COL28A1: variants seen among roughly 807,000 people sequenced by gnomAD.
The protein encoded by COL28A1 is collagen type XXVIII alpha 1 chain, also known as collagen alpha-1(XXVIII) chain.
A neutral mutation model predicts 150.2 loss-of-function variants in COL28A1; 161 were observed. The ratio of observed to expected loss-of-function variants is 1.07; its 90% CI spans 0.94 to 1.22. COL28A1 has a LOEUF of 1.22. Among genes scored for constraint, COL28A1 ranks in the 50% most tolerant of loss-of-function variants. The pLI, the probability that COL28A1 is intolerant of heterozygous loss-of-function variation, is 0.00. For synonymous variants in COL28A1, 552 were observed against 469.7 expected, an observed-to-expected ratio of 1.18 and a Z score of -2.26; for missense variants, 1,617 against 1,388.3, an observed-to-expected ratio of 1.16 and a Z score of -2.62.
At chr7:7,483,564 A>G (rs992387253) in intron 13 of COL28A1, among the ~76,000 whole-genome samples, 2 of 152,186 alleles carry the variant, frequency 1.3e-5, no homozygotes, top group African/African-American at 4.8e-5. Context: ...AAACCCCTGG[A>G]GTACAAAAGA....
intron 23 of COL28A1, among the ~76,000 whole-genome samples, chr7:7,435,690 G>A (rs1785288803): frequency 6.6e-6 from 1 of 152,134 alleles, no homozygotes; most frequent in East Asian, 1.9e-4. Flanking sequence ...TAACTTTGAA[G>A]GTCATCAGTT....
At chr7:7,487,751 T>C (rs1402510342) in intron 13 of COL28A1, among the ~76,000 whole-genome samples, 3 of 152,166 alleles carry the variant, frequency 2.0e-5, no homozygotes, top group Admixed American at 1.3e-4. Context: ...GGCAAAATCT[T>C]TTTCTATTCC....
intron 11 of COL28A1, among the ~76,000 whole-genome samples, chr7:7,496,678 A>G (rs568519475): frequency 8.1e-4 from 123 of 152,322 alleles, no homozygotes; most frequent in Admixed American, 2.4e-3. Flanking sequence ...TCTCTAAGAC[A>G]ATACATAACA....
chr7:7,464,359 C>A (rs1368574656), intron 15 of COL28A1, among the ~76,000 whole-genome samples: 2 of 152,174 alleles, frequency 1.3e-5, no homozygotes, highest in Non-Finnish European at 2.9e-5. Context: ...ACAAAATATA[C>A]ATTCTATTCA....
chr7:7,452,533 G>C (rs1248259289), intron 17 of COL28A1, 146 bp from the exon 18 acceptor site: 9 of 1,232,080 alleles, frequency 7.3e-6, no homozygotes, highest in Non-Finnish European at 9.6e-6. Context: ...TTCGGGGGAT[G>C]GATTTGCACC....
intron 27 of COL28A1, among the ~76,000 whole-genome samples, chr7:7,397,507 G>T (rs1227133419): frequency 6.6e-6 from 1 of 152,118 alleles, no homozygotes. Flanking sequence ...TATACAAAAA[G>T]TAAGATAATA....
chr7:7,363,852 CTCACT>C (rs1376269327), intron 33 of COL28A1, among the ~76,000 whole-genome samples: 1 of 152,114 alleles, frequency 6.6e-6, no homozygotes, highest in African/African-American at 2.4e-5. Context: ...ACGATCTCGG[CTCACT>C]GCAACCTCCA....
intron 33 of COL28A1, among the ~76,000 whole-genome samples, chr7:7,367,204 C>G (rs1780982560): frequency 1.3e-5 from 2 of 152,158 alleles, no homozygotes; most frequent in Non-Finnish European, 2.9e-5. Flanking sequence ...AACTATCTAG[C>G]CCAGGTGTGT....
intron 25 of COL28A1, among the ~76,000 whole-genome samples, chr7:7,421,426 T>A (rs1784386001): frequency 6.6e-6 from 1 of 152,164 alleles, no homozygotes; most frequent in African/African-American, 2.4e-5. Context: ...CATTGAATTT[T>A]ATACTTAAAA....
At position 7,373,674 on chromosome 7, in the gene COL28A1, A is replaced by G; in HGVS notation, c.2360-128T>C. Reference sequence around the variant, plus strand: ...TTCTCTTCCTTTTCTGTGATTGTGAAAATACCTGACAGCTGTCTCCATTCT... The same window carrying G: ...TTCTCTTCCTTTTCTGTGATTGTGAGAATACCTGACAGCTGTCTCCATTCT... On this transcript the variant is annotated intron_variant, in intron 31 of 34. Coordinates refer to ENST00000399429, the MANE Select transcript of COL28A1 (RefSeq NM_001037763.3). The surrounding 1 kb of genome is among the most constrained non-coding windows in gnomAD (Gnocchi z 4.1). 1 of 743,996 alleles carries G rather than the reference A, an allele frequency of 1.3e-6. No homozygotes were observed. 46.1% of individuals were successfully genotyped at this position (743,996 alleles called of 1,614,324 possible).
chr7:7,519,300 C>T (rs1391734610), intron 6 of COL28A1, among the ~76,000 whole-genome samples: 1 of 152,160 alleles, frequency 6.6e-6, no homozygotes. Flanking sequence ...GGGAAAGACC[C>T]GCCCCCTATG....
chr7:7,347,180 G>A, the COL28A1 span, among the ~76,000 whole-genome samples: 1 of 152,018 alleles, frequency 6.6e-6, no homozygotes, highest in South Asian at 2.1e-4. Context: ...GCCATACCAG[G>A]CAGTGTAAGG....
At chr7:7,455,796 G>C (rs2128334047) in intron 16 of COL28A1, among the ~76,000 whole-genome samples, 1 of 152,246 alleles carries the variant, frequency 6.6e-6, no homozygotes. Flanking sequence ...TTGTTAATTA[G>C]GTTTTAATGT....
chr7:7,427,129 T>C (rs1388763308), intron 25 of COL28A1, among the ~76,000 whole-genome samples: 1 of 152,166 alleles, frequency 6.6e-6, no homozygotes, highest in Non-Finnish European at 1.5e-5. Context: ...GAAAGCAATA[T>C]TCAAAGTCAT....
chr7:7,511,248 C>G, intron 8 of COL28A1, 113 bp from the exon 9 acceptor site: 1 of 794,946 alleles, frequency 1.3e-6, no homozygotes, highest in Non-Finnish European at 2.1e-6. Context: ...CATAAGCACT[C>G]TTTTGGTTTC....
chr7:7,524,484 C>A lies in COL28A1; in HGVS notation c.682-235G>T, dbSNP rs181133581. Among the ~76,000 whole-genome samples the A allele has an allele frequency of 1.8e-3, 269 of 152,300 alleles. 1 individual carries two copies. The highest frequency in any genetic ancestry group is 2.3e-3 in the Non-Finnish European group (158 of 68,024). ...AAAATTAACCTATATTTTCTAGGAA[C>A]TTCATCTTACTGCATTCTATGTTTT... On this transcript the variant is annotated intron_variant, in intron 3 of 34. Coordinates refer to ENST00000399429, the MANE Select transcript of COL28A1 (RefSeq NM_001037763.3).
chr7:7,427,854 T>G (rs1784732781), intron 25 of COL28A1, among the ~76,000 whole-genome samples: 1 of 152,010 alleles, frequency 6.6e-6, no homozygotes, highest in Admixed American at 6.6e-5. Flanking sequence ...CACAAAAGAG[T>G]GCCTAGATAG....
intron 27 of COL28A1, among the ~76,000 whole-genome samples, chr7:7,408,430 TA>T (rs895373863): frequency 1.3e-5 from 2 of 152,140 alleles, no homozygotes; most frequent in African/African-American, 4.8e-5. Context: ...GTGCTGATGA[TA>T]AAAAACCAAC....
At chr7:7,418,291 C>T (rs1784214782) in intron 26 of COL28A1, among the ~76,000 whole-genome samples, 1 of 152,220 alleles carries the variant, frequency 6.6e-6, no homozygotes, top group Admixed American at 6.5e-5. Context: ...ACATGTGGCT[C>T]CACATAGCCT....
Sources: gnomAD v4.1 joint callset for allele counts (sites outside exome capture counted in the v4.1 genomes callset) on GRCh38, gnomAD v4.1.1 for gene constraint, Gnocchi (gnomAD v3.1) non-coding constraint, MANE v1.5 for transcripts, NCBI Gene and HGNC (gene_info 2026-07-23, HGNC 2026-07-21) for gene names.